CLASP1: variants seen among roughly 807,000 people sequenced by gnomAD.
CLASP1 encodes cytoplasmic linker associated protein 1.
CLASP1 carries 38 observed loss-of-function variants against 192.3 expected under a neutral mutation model. That is an observed-to-expected ratio of 0.20 (90% confidence interval 0.15 to 0.26). CLASP1 has a LOEUF of 0.26. Among genes scored for constraint, CLASP1 ranks in the 10% least tolerant of loss-of-function variants. The pLI is 1.00. For missense variants in CLASP1, 1,433 were observed against 1,932.5 expected, an observed-to-expected ratio of 0.74 and a Z score of 4.85; for synonymous variants, 691 against 712.8, an observed-to-expected ratio of 0.97 and a Z score of 0.49.
At chr2:121,625,207 GA>G (rs1190642787) in intron 1 of CLASP1, among the ~76,000 whole-genome samples, 1 of 151,796 alleles carries the variant, frequency 6.6e-6, no homozygotes, top group Non-Finnish European at 1.5e-5. Context: ...CAAGGTTTAA[GA>G]AAAAAAATTG....
At chr2:121,418,162 C>G (rs1559110653) in intron 23 of CLASP1, among the ~76,000 whole-genome samples, 1 of 152,224 alleles carries the variant, frequency 6.6e-6, no homozygotes, top group Admixed American at 6.5e-5. Context: ...AAAGAAAACT[C>G]ACTTTACTTT....
intron 23 of CLASP1, among the ~76,000 whole-genome samples, chr2:121,412,662 C>T (rs1047674701): frequency 6.6e-5 from 10 of 151,804 alleles, no homozygotes; most frequent in Admixed American, 2.6e-4. Context: ...TTTTCAGATA[C>T]AAAATTAAAA....
intron 19 of CLASP1, among the ~76,000 whole-genome samples, chr2:121,436,983 A>G (rs1488658681): frequency 1.3e-5 from 2 of 151,906 alleles, no homozygotes; most frequent in Non-Finnish European, 2.9e-5. Flanking sequence ...TTTTTTTCAG[A>G]CAGGGTCTTG....
intron 23 of CLASP1, among the ~76,000 whole-genome samples, chr2:121,414,180 T>A (rs1004577369): frequency 6.6e-6 from 1 of 152,134 alleles, no homozygotes; most frequent in Non-Finnish European, 1.5e-5. Context: ...AGAGCACTAG[T>A]GGACCTGGAA....
At chr2:121,416,390 A>G (rs890941094) in intron 23 of CLASP1, among the ~76,000 whole-genome samples, 23 of 152,236 alleles carry the variant, frequency 1.5e-4, no homozygotes, top group African/African-American at 4.8e-4. Flanking sequence ...TATATTCACT[A>G]GAATATAAGT....
intron 19 of CLASP1, among the ~76,000 whole-genome samples, chr2:121,431,702 C>T (rs949470293): frequency 1.3e-4 from 19 of 151,280 alleles, no homozygotes; most frequent in African/African-American, 4.6e-4. Flanking sequence ...TTTCCCCCAA[C>T]ATTTGGTAAC....
At chr2:121,585,850 A>G (rs2061662900) in intron 2 of CLASP1, among the ~76,000 whole-genome samples, 1 of 150,340 alleles carries the variant, frequency 6.7e-6, no homozygotes, top group African/African-American at 2.4e-5. Flanking sequence ...CAGTGAGCCG[A>G]GATCGTGCCA....
intron 2 of CLASP1, among the ~76,000 whole-genome samples, chr2:121,541,992 C>T (rs971257521): frequency 6.6e-6 from 1 of 152,166 alleles, no homozygotes; most frequent in Non-Finnish European, 1.5e-5. Flanking sequence ...AATTCCATCA[C>T]TCAACAATAC....
chr2:121,366,476 C>T (rs1258603799), intron 35 of CLASP1, among the ~76,000 whole-genome samples: 1 of 152,214 alleles, frequency 6.6e-6, no homozygotes, highest in East Asian at 1.9e-4. Flanking sequence ...TGTCTGATCC[C>T]TGCAAGAGGA....
intron 8 of CLASP1, among the ~76,000 whole-genome samples, chr2:121,486,614 C>T (rs1029608589): frequency 6.6e-6 from 1 of 152,162 alleles, no homozygotes; most frequent in African/African-American, 2.4e-5. Context: ...GCAATCCTGA[C>T]CCAATTCTTT....
chr2:121,508,483 C>G (rs977162223), intron 7 of CLASP1, among the ~76,000 whole-genome samples: 9 of 152,102 alleles, frequency 5.9e-5, no homozygotes, highest in African/African-American at 2.2e-4. Flanking sequence ...AAATAGCACA[C>G]CTGCAGACAT....
chr2:121,472,828 T>C (rs982763270), intron 8 of CLASP1, among the ~76,000 whole-genome samples: 6 of 152,364 alleles, frequency 3.9e-5, no homozygotes, highest in African/African-American at 1.4e-4. Context: ...AGGCATTCAA[T>C]GGAGACCCCC....
At chr2:121,460,195 T>G in intron 11 of CLASP1, 70 bp from the exon 12 acceptor site, 1 of 1,245,254 alleles carries the variant, frequency 8.0e-7, no homozygotes, top group Non-Finnish European at 1.1e-6. Flanking sequence ...ACAAAAGAAG[T>G]CATCAAATAC....
chr2:121,608,156 A>T (rs545929622), intron 1 of CLASP1, among the ~76,000 whole-genome samples: 1 of 152,368 alleles, frequency 6.6e-6, no homozygotes, highest in South Asian at 2.1e-4. Context: ...GTACAAATGT[A>T]ATACTTGCAG....
At chr2:121,450,817 T>C (rs527558912) in intron 16 of CLASP1, 96 bp downstream of exon 16, 13 of 822,404 alleles carry the variant, frequency 1.6e-5, no homozygotes, top group Admixed American at 1.5e-4. Flanking sequence ...TTAACAAATA[T>C]GTTCAAGTAA....
At chr2:121,372,519 T>C (rs2068962310) in intron 34 of CLASP1, among the ~76,000 whole-genome samples, 1 of 152,264 alleles carries the variant, frequency 6.6e-6, no homozygotes, top group Non-Finnish European at 1.5e-5. Context: ...GGATATTCCA[T>C]AATTCCTGCA....
At chr2:121,477,339 T>C (rs79294003) in intron 8 of CLASP1, among the ~76,000 whole-genome samples, 5,635 of 152,306 alleles carry the variant, frequency 0.037, 152 homozygotes, top group East Asian at 0.14. Flanking sequence ...TTTAATTGGA[T>C]AATAAATTCA....
At position 121,530,789 on chromosome 2, in the gene CLASP1, C is replaced by T. The variant is rs529456272; in HGVS notation, c.196-464G>A. The T allele has an allele frequency of 2.9e-5, 17 of 589,872 alleles. No individual in the cohort carries two copies. The East Asian group carries it at 3.9e-4, about 14-fold the overall frequency. The allele number at this position is 589,872 out of a possible 1,614,324, so 36.5% of individuals were successfully genotyped here. On this transcript the variant is annotated intron_variant, in intron 2 of 39. Transcript: ENST00000263710. ...TGGAGGCTGGAGGTAAGCTAGCTACCAGACCGACTAGGGCGAGGCTCACGA... is the reference window on the plus strand; with the variant it reads ...TGGAGGCTGGAGGTAAGCTAGCTACTAGACCGACTAGGGCGAGGCTCACGA...
intron 2 of CLASP1, among the ~76,000 whole-genome samples, chr2:121,598,362 T>C (rs772940805): frequency 1.4e-4 from 21 of 152,346 alleles, no homozygotes; most frequent in Middle Eastern, 3.4e-3. Flanking sequence ...GAGGCAAGTT[T>C]TTCTGAAATA....
Sources: allele counts gnomAD v4.1 joint callset (sites outside exome capture counted in the v4.1 genomes callset), GRCh38; gene constraint gnomAD v4.1.1; transcripts MANE v1.5; gene names NCBI Gene and HGNC (gene_info 2026-07-23, HGNC 2026-07-21).